SUSD5: variants seen among roughly 807,000 people sequenced by gnomAD.
SUSD5 encodes the protein sushi domain containing 5, also known as sushi domain-containing protein 5.
In SUSD5, 33 loss-of-function variants were observed where a neutral mutation model predicts 29.5. The ratio of observed to expected loss-of-function variants is 1.12; its 90% CI spans 0.85 to 1.49. SUSD5 has a LOEUF of 1.49. Among genes scored for constraint, SUSD5 ranks in the 40% most tolerant of loss-of-function variants. SUSD5 has a pLI of 0.00. For synonymous variants in SUSD5, 308 were observed against 325.3 expected (o/e 0.95, Z 0.57); for missense variants, 776 against 800.6 (o/e 0.97, Z 0.37).
intron 4 of SUSD5, among the ~76,000 whole-genome samples, chr3:33,154,702 G>C (rs139757640): frequency 6.4e-4 from 97 of 151,772 alleles, no homozygotes; most frequent in African/African-American, 2.2e-3. Flanking sequence ...CAAACACATA[G>C]GAATAAATCT....
At chr3:33,217,129 A>T (rs535752776) in intron 1 of SUSD5, among the ~76,000 whole-genome samples, 1 of 152,340 alleles carries the variant, frequency 6.6e-6, no homozygotes, top group East Asian at 1.9e-4. Context: ...CATTCCACTT[A>T]AACAGTTATA....
At chr3:33,175,799 A>C (rs370037226) in intron 3 of SUSD5, among the ~76,000 whole-genome samples, 23 of 152,248 alleles carry the variant, frequency 1.5e-4, no homozygotes, top group African/African-American at 5.3e-4. Context: ...ATTCTGCACC[A>C]GAGTGGTCCA....
chr3:33,218,801 C>T lies in SUSD5; in HGVS notation c.-4G>A. ...GGCTGGGTCCCTCGGCAGTCATGGT[C>T]CGGGAGTGCGCGGGCCAGCGGACTC... is the stretch of plus-strand genomic sequence containing the variant. On this transcript the variant is annotated 5_prime_UTR_variant, in exon 1 of 5. Transcript: ENST00000309558. 1 of 1,443,662 alleles carries T rather than the reference C, an allele frequency of 6.9e-7. No individual in the cohort carries two copies. Among genetic ancestry groups the T allele is most frequent in the Non-Finnish European group, 9.1e-7 (1 of 1,104,024 alleles). The allele number at this position is 1,443,662 out of a possible 1,614,324, so 89.4% of individuals were successfully genotyped here. A position where few individuals can be genotyped will look rare whatever the true frequency, so the allele number is the denominator to read the frequency against.
In SUSD5 at chr3:33,153,896, T is replaced by C. The variant is rs770144282; in HGVS notation, c.736A>G (p.Lys246Glu). The C allele has an allele frequency of 6.2e-7, 1 of 1,614,028 alleles. No homozygotes were observed. The highest frequency in any genetic ancestry group is 1.3e-5 in the African/African-American group (1 of 75,062). The change falls in exon 5 of 5, where the codon AAA becomes GAA. Residue 246 changes from lysine to glutamate, a missense_variant. Transcript: ENST00000309558. Reference sequence around the variant, plus strand: ...GAAATGGAGACCAGACGGTCCTGTTTTGGAGCCTCCTCAGAGGAGTCTCCC... The same window carrying C: ...GAAATGGAGACCAGACGGTCCTGTTCTGGAGCCTCCTCAGAGGAGTCTCCC... ...GQGDSSEEAP[K>E]QDRLVSISVG...
At chr3:33,156,555 T>C in intron 4 of SUSD5, among the ~76,000 whole-genome samples, 1 of 152,176 alleles carries the variant, frequency 6.6e-6, no homozygotes, top group East Asian at 1.9e-4. Context: ...CCCTTTGACC[T>C]TCCCCTCTCT....
At chr3:33,182,138 T>C (rs2031685728) in intron 3 of SUSD5, among the ~76,000 whole-genome samples, 2 of 152,228 alleles carry the variant, frequency 1.3e-5, no homozygotes, top group Non-Finnish European at 2.9e-5. Flanking sequence ...CATTCTCATG[T>C]GGTTAAAAAT....
chr3:33,162,688 T>C (rs2031215811), intron 4 of SUSD5, among the ~76,000 whole-genome samples: 1 of 152,150 alleles, frequency 6.6e-6, no homozygotes, highest in African/African-American at 2.4e-5. Flanking sequence ...CATGGTGGCT[T>C]GCGCCTGTAA....
At chr3:33,165,633 G>A (rs1028757179) in intron 4 of SUSD5, among the ~76,000 whole-genome samples, 1 of 152,156 alleles carries the variant, frequency 6.6e-6, no homozygotes, top group Non-Finnish European at 1.5e-5. Context: ...TATTCAGGAA[G>A]AAAAGGCAAA....
At chr3:33,159,478 T>C (rs2031128438) in intron 4 of SUSD5, among the ~76,000 whole-genome samples, 1 of 152,174 alleles carries the variant, frequency 6.6e-6, no homozygotes, top group South Asian at 2.1e-4. Flanking sequence ...TTTTTGTTCT[T>C]GCTTCTGGCT....
rs975356316 is a variant in SUSD5 at position 33,204,569 on chromosome 3, C to T, written c.409+3239G>A. ...ATCTCCTGACCTCGTGATACACCCA[C>T]CTCGGCCTCCCAAAGTGCTGGGATT... On this transcript the variant is annotated intron_variant, in intron 3 of 4. Transcript: ENST00000309558. This position sits in a 1 kb window ranked among gnomAD's most constrained non-coding sequence, Gnocchi z 4.5. Among the ~76,000 whole-genome samples the T allele has an allele frequency of 2.6e-5, 4 of 152,084 alleles. No individual in the cohort carries two copies. Among genetic ancestry groups the T allele is most frequent in the African/African-American group, 4.8e-5 (2 of 41,418 alleles).
chr3:33,216,625 AT>A (rs1241752129), intron 1 of SUSD5, among the ~76,000 whole-genome samples: 2 of 152,166 alleles, frequency 1.3e-5, no homozygotes, highest in African/African-American at 4.8e-5. Context: ...TTTCCTTAGG[AT>A]TCTGCCCACG....
At chr3:33,205,491 A>C (rs1440359537) in intron 3 of SUSD5, among the ~76,000 whole-genome samples, 1 of 152,238 alleles carries the variant, frequency 6.6e-6, no homozygotes, top group Non-Finnish European at 1.5e-5. Flanking sequence ...CTCTGAGTGC[A>C]ATGTATCATA....
chr3:33,159,763 T>G lies in SUSD5; in HGVS notation c.599-5730A>C, dbSNP rs1286719266. On this transcript the variant is annotated intron_variant, in intron 4 of 4. Transcript: ENST00000309558. Reference sequence around the variant, plus strand: ...AAACTGGGCTTACTGAATGTGAATTTCTAAAAATGAGGAAACTATACTAAA... The same window carrying G: ...AAACTGGGCTTACTGAATGTGAATTGCTAAAAATGAGGAAACTATACTAAA... Among the ~76,000 whole-genome samples, 3 of 152,062 alleles carry G rather than the reference T, an allele frequency of 2.0e-5. No individual in the cohort carries two copies. In the East Asian group the frequency reaches 5.8e-4, roughly 29 times the overall value.
intron 4 of SUSD5, among the ~76,000 whole-genome samples, chr3:33,169,405 G>C (rs1329148317): frequency 6.6e-6 from 1 of 152,062 alleles, no homozygotes; most frequent in Non-Finnish European, 1.5e-5. Context: ...ATATTTAGTA[G>C]CGACGGGGTT....
intron 4 of SUSD5, among the ~76,000 whole-genome samples, chr3:33,170,045 G>T (rs1286395559): frequency 1.3e-5 from 2 of 152,042 alleles, no homozygotes; most frequent in African/African-American, 4.8e-5. Flanking sequence ...AGCCTCCCGA[G>T]TAGCTGGGAC....
chr3:33,168,105 T>C (rs2031343070), intron 4 of SUSD5, among the ~76,000 whole-genome samples: 1 of 152,192 alleles, frequency 6.6e-6, no homozygotes, highest in Non-Finnish European at 1.5e-5. Context: ...TGTGCACTGC[T>C]TGTGTATTTT....
At chr3:33,159,720 CACACAA>C (rs1439151820) in intron 4 of SUSD5, among the ~76,000 whole-genome samples, 1 of 151,678 alleles carries the variant, frequency 6.6e-6, no homozygotes, top group Non-Finnish European at 1.5e-5. Context: ...CACACACACA[CACACAA>C]ACACAAACAT....
At chr3:33,188,636 G>C (rs1273954676) in intron 3 of SUSD5, among the ~76,000 whole-genome samples, 1 of 152,154 alleles carries the variant, frequency 6.6e-6, no homozygotes, top group African/African-American at 2.4e-5. Flanking sequence ...TGCTGCTGTG[G>C]ATCAAAAACC....
chr3:33,216,370 A>G (rs1204721405), intron 1 of SUSD5, among the ~76,000 whole-genome samples: 1 of 152,202 alleles, frequency 6.6e-6, no homozygotes, highest in Non-Finnish European at 1.5e-5. Flanking sequence ...ACCTTCAGAC[A>G]CAGATGATCT....
Sources: allele counts gnomAD v4.1 joint callset (sites outside exome capture counted in the v4.1 genomes callset), GRCh38; gene constraint gnomAD v4.1.1; non-coding constraint Gnocchi (gnomAD v3.1); transcripts MANE v1.5; gene names NCBI Gene and HGNC (gene_info 2026-07-23, HGNC 2026-07-21).